The following ANKRD12 variants were observed in gnomAD, a reference collection of about 807,000 sequenced individuals.
ANKRD12 encodes the protein ankyrin repeat domain-containing protein 12.
ANKRD12 carries 85 observed loss-of-function variants against 183.4 expected under a neutral mutation model. The observed-to-expected ratio is 0.46, with a 90% CI of 0.39 to 0.56. The LOEUF (loss-of-function observed/expected upper bound fraction) is 0.56. ANKRD12 is among the 20% of genes least tolerant of loss of function. ANKRD12 has a pLI of 0.00. For missense variants in ANKRD12, 2,405 were observed against 2,357.1 expected, an observed-to-expected ratio of 1.02 and a Z score of -0.42; for synonymous variants, 914 against 800.2, an observed-to-expected ratio of 1.14 and a Z score of -2.40.
At chr18:9,216,444 G>C (rs1343196898) in intron 6 of ANKRD12, among the ~76,000 whole-genome samples, 2 of 152,182 alleles carry the variant, frequency 1.3e-5, no homozygotes, top group African/African-American at 4.8e-5. Context: ...CATGTTACTG[G>C]TAAGGCTTCC....
In ANKRD12 at chr18:9,258,631, A is replaced by G. The variant is rs2038785741; in HGVS notation, c.5364A>G (p.Lys1788=). 3 of 1,613,836 alleles carry G rather than the reference A, an allele frequency of 1.9e-6. No homozygotes were observed. The highest frequency in any genetic ancestry group is 1.1e-5 in the South Asian group (1 of 91,068). ...AAATTCACCATCCACGGAAAAGGAA[A>G]GTGTCACGTGTACCTCAGCCTGTGC... ...DPQIHHPRKR[K]VSRVPQPVQV... The change falls in exon 9 of 13, where the codon AAA becomes AAG. Residue 1788 remains lysine, a synonymous_variant. Coordinates refer to ENST00000262126, the MANE Select transcript of ANKRD12 (RefSeq NM_015208.5).
chr18:9,182,423 C>G lies in ANKRD12; in HGVS notation c.-10C>G. 6.3e-7 allele frequency: 1 copy of G among 1,595,446 alleles called. No homozygotes were observed. Among genetic ancestry groups the G allele is most frequent in the Non-Finnish European group, 8.6e-7 (1 of 1,167,404 alleles). The stretch of plus-strand genomic sequence containing the variant: ...CTGATAAAAGAAGAAGCTAGCTGAA[C>G]AGCTGTAAAATGCCCAAATCTGGGT... On this transcript the variant is annotated 5_prime_UTR_variant, in exon 2 of 13. Transcript: ENST00000262126.
rs530909015 is a variant in ANKRD12, at chr18:9,161,354, TTTTTA to T, written c.-51-21014_-51-21010del. On this transcript the variant is annotated intron_variant, in intron 1 of 12. Transcript: ENST00000262126. ...TTGTCCTTTTTTTTCTCTATTTCTG[TTTTTA>T]TTTTATTTTATTTATTTATTTTTAT... Among the ~76,000 whole-genome samples, 826 of 151,822 alleles carry T rather than the reference TTTTTA, an allele frequency of 5.4e-3. 5 individuals are homozygous for T. Among genetic ancestry groups the T allele is most frequent in the African/African-American group, 0.019 (791 of 41,480 alleles).
intron 2 of ANKRD12, among the ~76,000 whole-genome samples, chr18:9,186,006 G>A (rs113723834): frequency 1.3e-3 from 200 of 152,304 alleles, no homozygotes; most frequent in African/African-American, 4.7e-3. Context: ...GCTGCTTGAT[G>A]CCACTTTTTG....
chr18:9,160,928 G>GT (rs2031319511), intron 1 of ANKRD12, among the ~76,000 whole-genome samples: 1 of 152,280 alleles, frequency 6.6e-6, no homozygotes, highest in African/African-American at 2.4e-5. Flanking sequence ...TAGATTTCAG[G>GT]TAAATTTAAT....
In ANKRD12 at chr18:9,258,620, C is replaced by T. The variant is rs750074114; in HGVS notation, c.5353C>T (p.Arg1785Trp). The change falls in exon 9 of 13, where the codon CGG (arginine) becomes TGG (tryptophan). Residue 1785 changes from arginine (R) to tryptophan (W), a missense_variant. By Grantham distance (101) the Arg-to-Trp change is moderately radical. Around this residue, in one of 7 missense-constraint regions of ANKRD12, gnomAD observed 1,983 missense variants for 1,725.9 expected, o/e 1.15. Transcript: ENST00000262126. ...TGACGATCCTCAAATTCACCATCCA[C>T]GGAAAAGGAAAGTGTCACGTGTACC... ...EDDDPQIHHP[R>W]KRKVSRVPQP... 4.3e-6 allele frequency: 7 copies of T among 1,613,720 alleles called. No individual in the cohort carries two copies. Among genetic ancestry groups the T allele is most frequent in the Admixed American group, 3.3e-5 (2 of 59,924 alleles).
chr18:9,201,586 T>C (rs140712797), intron 3 of ANKRD12, among the ~76,000 whole-genome samples: 1 of 152,350 alleles, frequency 6.6e-6, no homozygotes, highest in African/African-American at 2.4e-5. Context: ...AAAATAATTA[T>C]ACCTAGTTAG....
intron 8 of ANKRD12, among the ~76,000 whole-genome samples, chr18:9,252,649 G>T (rs1450267043): frequency 6.6e-6 from 1 of 152,176 alleles, no homozygotes; most frequent in Non-Finnish European, 1.5e-5. Flanking sequence ...CTCAGTTTAT[G>T]TTTAACTCCC....
At chr18:9,216,493 A>G (rs898590803) in intron 6 of ANKRD12, among the ~76,000 whole-genome samples, 1 of 152,216 alleles carries the variant, frequency 6.6e-6, no homozygotes, top group Non-Finnish European at 1.5e-5. Context: ...TGGGGAGTCA[A>G]AAGTTATATG....
At chr18:9,223,460 A>T (rs796087205) in intron 8 of ANKRD12, among the ~76,000 whole-genome samples, 46 of 152,204 alleles carry the variant, frequency 3.0e-4, no homozygotes, top group African/African-American at 1.0e-3. Context: ...AATACAAAAA[A>T]AAACCCAAAA....
intron 1 of ANKRD12, among the ~76,000 whole-genome samples, chr18:9,149,792 A>ATTTTTT (rs75749856): frequency 3.5e-4 from 10 of 28,184 alleles, no homozygotes; most frequent in South Asian, 1.7e-3. Flanking sequence ...TTATTTATTA[A>ATTTTTT]ATTTTATTTT....
At chr18:9,172,503 G>A (rs1023673432) in intron 1 of ANKRD12, among the ~76,000 whole-genome samples, 6 of 151,982 alleles carry the variant, frequency 3.9e-5, no homozygotes, top group Admixed American at 3.3e-4. Flanking sequence ...TTCTCTGCTT[G>A]GTCTATTCTG....
At chr18:9,158,882 C>G (rs2030991632) in intron 1 of ANKRD12, among the ~76,000 whole-genome samples, 1 of 152,194 alleles carries the variant, frequency 6.6e-6, no homozygotes, top group Admixed American at 6.5e-5. Context: ...ATTCACTTTA[C>G]TAATCAGTGT....
At chr18:9,147,203 T>C (rs1251932617) in intron 1 of ANKRD12, among the ~76,000 whole-genome samples, 2 of 152,184 alleles carry the variant, frequency 1.3e-5, no homozygotes, top group Non-Finnish European at 2.9e-5. Context: ...TCACTTATCT[T>C]ATGTACCACT....
chr18:9,264,894 A>C (rs1249644122), intron 10 of ANKRD12, among the ~76,000 whole-genome samples: 1 of 152,242 alleles, frequency 6.6e-6, no homozygotes, highest in Non-Finnish European at 1.5e-5. Flanking sequence ...GAACAGCTCC[A>C]GTCTACAGCT....
intron 1 of ANKRD12, among the ~76,000 whole-genome samples, chr18:9,149,772 AT>A (rs560344137): frequency 2.3e-4 from 3 of 12,994 alleles, no homozygotes; most frequent in South Asian, 0.011. Context: ...ATTTGTAATG[AT>A]TTATTTATTT....
At chr18:9,155,056 G>C (rs1016467863) in intron 1 of ANKRD12, among the ~76,000 whole-genome samples, 18 of 152,172 alleles carry the variant, frequency 1.2e-4, no homozygotes, top group African/African-American at 4.3e-4. Context: ...CCATGGCTTA[G>C]TGAATAAAAA....
At position 9,267,554 on chromosome 18, in the gene ANKRD12, C is replaced by A. The variant is rs528143887; in HGVS notation, c.5763+3666C>A. ...CATAACGAAATGAAGGCAGAAATAA[C>A]GATGTTCTTTGAGACCAACGAGAAC... is the stretch of plus-strand genomic sequence containing the variant. On this transcript the variant is annotated intron_variant, in intron 10 of 12. Coordinates refer to ENST00000262126, the MANE Select transcript of ANKRD12 (RefSeq NM_015208.5). Among the ~76,000 whole-genome samples the A allele has an allele frequency of 1.7e-4, 26 of 152,070 alleles. No homozygotes were observed. The South Asian group carries it at 5.0e-3, about 29-fold the overall frequency.
At chr18:9,275,480 A>G in intron 10 of ANKRD12, 44 bp from the exon 11 acceptor site, 4 of 1,577,210 alleles carry the variant, frequency 2.5e-6, no homozygotes, top group Non-Finnish European at 3.5e-6. Context: ...TTAAACAAAA[A>G]TTTGTTGAAG....
Sources: gnomAD v4.1 joint callset for allele counts (sites outside exome capture counted in the v4.1 genomes callset) on GRCh38, gnomAD v4.1.1 for gene constraint, gnomAD v4.1.1 regional missense constraint, MANE v1.5 for transcripts, NCBI Gene and HGNC (gene_info 2026-07-23, HGNC 2026-07-21) for gene names.